The following RBFOX1 variants were observed in gnomAD, a reference collection of about 807,000 sequenced individuals.
The protein encoded by RBFOX1 is RNA binding fox-1 homolog 1.
RBFOX1 carries 8 observed loss-of-function variants against 57.7 expected under a neutral mutation model. The observed-to-expected ratio is 0.14, with a 90% CI of 0.08 to 0.25. The LOEUF is 0.25. RBFOX1 is among the 10% of genes least tolerant of loss of function. The pLI is 1.00. For synonymous variants in RBFOX1, 326 were observed against 222.4 expected, an observed-to-expected ratio of 1.47 and a Z score of -4.15; for missense variants, 611 against 548.5, an observed-to-expected ratio of 1.11 and a Z score of -1.14.
At chr16:6,924,137 C>G (rs771503727) in intron 3 of RBFOX1, among the ~76,000 whole-genome samples, 3 of 151,382 alleles carry the variant, frequency 2.0e-5, no homozygotes, top group East Asian at 2.0e-4. Context: ...CCACTGCACT[C>G]CAGCCTGGGT....
chr16:6,775,880 C>G (rs1049189636), intron 3 of RBFOX1: 3 of 152,208 alleles, frequency 2.0e-5, no homozygotes, highest in African/African-American at 7.2e-5. Flanking sequence ...CCACGATCCT[C>G]GCTTGGCTGG....
At chr16:7,407,626 T>C (rs148280874) in intron 4 of RBFOX1, among the ~76,000 whole-genome samples, 123 of 152,296 alleles carry the variant, frequency 8.1e-4, no homozygotes, top group African/African-American at 2.8e-3. Context: ...GAAGAAAGAC[T>C]GCTTATTATA....
rs182660777 is a variant in RBFOX1, at chr16:6,489,474, T to C, written c.-63-165129T>C. ...AAGAGGGAACAGACATCCAGAGAAG[T>C]TGAGTAATCTGTATGAGATCACACA... On this transcript the variant is annotated intron_variant, in intron 2 of 15. Coordinates refer to ENST00000550418, the MANE Select transcript of RBFOX1 (RefSeq NM_018723.4). 8.5e-4 allele frequency among the ~76,000 whole-genome samples: 129 copies of C among 152,272 alleles called. 1 individual carries two copies. Among genetic ancestry groups the C allele is most frequent in the Non-Finnish European group, 8.8e-5 (6 of 68,018 alleles).
intron 4 of RBFOX1, among the ~76,000 whole-genome samples, chr16:7,392,855 GT>G (rs2098062088): frequency 2.5e-5 from 2 of 80,318 alleles, no homozygotes; most frequent in Non-Finnish European, 4.8e-5. Flanking sequence ...GTTTGGTTTG[GT>G]TTGTTTGTTT....
chr16:5,921,806 G>A (rs146558445), intron 4 of RBFOX1, among the ~76,000 whole-genome samples: 1,660 of 152,074 alleles, frequency 0.011, 13 homozygotes, highest in Non-Finnish European at 0.016. Flanking sequence ...ATGACATGGC[G>A]TGAGAGGGAG....
chr16:7,194,169 C>G (rs572298762), intron 4 of RBFOX1, among the ~76,000 whole-genome samples: 26 of 152,294 alleles, frequency 1.7e-4, no homozygotes, highest in Non-Finnish European at 2.5e-4. Context: ...AAACATCTCT[C>G]TAATACTTTG....
intron 2 of RBFOX1, among the ~76,000 whole-genome samples, chr16:6,382,751 T>A (rs760128985): frequency 6.6e-6 from 1 of 152,024 alleles, no homozygotes; most frequent in South Asian, 2.1e-4. Flanking sequence ...TCCCAGCTAC[T>A]TGGGAGGCTG....
At chr16:7,285,075 CTTTTTTTTT>C (rs58959488) in intron 4 of RBFOX1, among the ~76,000 whole-genome samples, 6 of 42,684 alleles carry the variant, frequency 1.4e-4, no homozygotes, top group Non-Finnish European at 2.9e-4. Flanking sequence ...AGATTCCTTA[CTTTTTTTTT>C]TTTTTTTTTT....
At chr16:7,384,624 C>G (rs186188969) in intron 4 of RBFOX1, among the ~76,000 whole-genome samples, 5 of 152,240 alleles carry the variant, frequency 3.3e-5, no homozygotes, top group African/African-American at 1.2e-4. Flanking sequence ...AACAGCTTTG[C>G]AGGCCATGCC....
At chr16:6,343,398 C>A (rs993483582) in intron 2 of RBFOX1, among the ~76,000 whole-genome samples, 14 of 152,140 alleles carry the variant, frequency 9.2e-5, no homozygotes, top group Non-Finnish European at 1.8e-4. Flanking sequence ...TTATGCTCAG[C>A]AGTTGTTAAA....
At chr16:6,297,743 C>A (rs754094352) in intron 1 of RBFOX1, among the ~76,000 whole-genome samples, 6 of 152,068 alleles carry the variant, frequency 3.9e-5, no homozygotes, top group Admixed American at 2.0e-4. Context: ...AACAGAAGGG[C>A]AGAAGAATGG....
At chr16:5,771,483 A>G (rs2053974567) in intron 3 of RBFOX1, among the ~76,000 whole-genome samples, 1 of 152,198 alleles carries the variant, frequency 6.6e-6, no homozygotes, top group African/African-American at 2.4e-5. Context: ...ATCTCAGTTC[A>G]TTGCAGCTTC....
intron 4 of RBFOX1, among the ~76,000 whole-genome samples, chr16:7,053,674 A>G (rs1218582190): frequency 6.6e-6 from 1 of 152,118 alleles, no homozygotes; most frequent in Non-Finnish European, 1.5e-5. Context: ...TTATGAGTCC[A>G]TTGTCGACAG....
chr16:7,678,899 C>G (rs1002536516), intron 14 of RBFOX1, among the ~76,000 whole-genome samples: 1 of 152,152 alleles, frequency 6.6e-6, no homozygotes, highest in Non-Finnish European at 1.5e-5. Context: ...AACTGCAATT[C>G]CAACTTTAGT....
intron 2 of RBFOX1, among the ~76,000 whole-genome samples, chr16:6,507,770 C>G (rs1463723803): frequency 6.6e-6 from 1 of 151,626 alleles, no homozygotes; most frequent in Non-Finnish European, 1.5e-5. Flanking sequence ...CTAAAGTAGT[C>G]AAATTCATAA....
intron 15 of RBFOX1, chr16:7,709,462 T>C (rs1352454118): frequency 4.2e-6 from 6 of 1,436,544 alleles, no homozygotes; most frequent in Non-Finnish European, 5.5e-6. Context: ...TTTTTTCTTT[T>C]TTTTTCCCTC....
At chr16:6,677,356 A>C (rs2057910879) in intron 3 of RBFOX1, among the ~76,000 whole-genome samples, 2 of 152,140 alleles carry the variant, frequency 1.3e-5, no homozygotes, top group Non-Finnish European at 2.9e-5. Context: ...ATAGATACAA[A>C]CACACATCAA....
At chr16:7,694,050 G>A (rs1484209282) in intron 14 of RBFOX1, among the ~76,000 whole-genome samples, 1 of 152,188 alleles carries the variant, frequency 6.6e-6, no homozygotes, top group Admixed American at 6.5e-5. Flanking sequence ...GTTCAGAACA[G>A]TTAAATTTGT....
intron 1 of RBFOX1, among the ~76,000 whole-genome samples, chr16:6,056,076 G>A (rs1181001740): frequency 6.6e-6 from 1 of 152,124 alleles, no homozygotes; most frequent in Non-Finnish European, 1.5e-5. Flanking sequence ...GGGTAGTTTG[G>A]GTGGAGCTAA....
Sources: allele counts gnomAD v4.1 joint callset (sites outside exome capture counted in the v4.1 genomes callset), GRCh38; gene constraint gnomAD v4.1.1; transcripts MANE v1.5; gene names NCBI Gene and HGNC (gene_info 2026-07-23, HGNC 2026-07-21).